KCNK3: variants seen among roughly 807,000 people sequenced by gnomAD.
The protein encoded by KCNK3 is potassium two pore domain channel subfamily K member 3, also known as potassium channel subfamily K member 3.
KCNK3 carries 9 observed loss-of-function variants against 27.3 expected under a neutral mutation model. The observed-to-expected ratio is 0.33, with a 90% CI of 0.20 to 0.57. KCNK3 has a LOEUF of 0.57. Ranked by LOEUF, KCNK3 falls within the 20% of genes least tolerant of loss-of-function variation. The probability of loss-of-function intolerance (pLI) is 0.87; values close to 1 mark genes in which losing one functional copy is unlikely to be tolerated. For synonymous variants in KCNK3, 278 were observed against 273.8 expected, an observed-to-expected ratio of 1.02 and a Z score of -0.15; for missense variants, 391 against 577.7, an observed-to-expected ratio of 0.68 and a Z score of 3.31.
intron 1 of KCNK3, among the ~76,000 whole-genome samples, chr2:26,709,973 C>G (rs778077057): frequency 2.0e-5 from 3 of 152,266 alleles, no homozygotes; most frequent in Non-Finnish European, 2.9e-5. Context: ...GTCCTTTGAT[C>G]ATTTCTGTCA....
chr2:26,697,131 C>T (rs933829164), intron 1 of KCNK3, among the ~76,000 whole-genome samples: 1 of 152,162 alleles, frequency 6.6e-6, no homozygotes, highest in Non-Finnish European at 1.5e-5. Flanking sequence ...GGAAGCATGG[C>T]ACTTGCCCAG....
chr2:26,728,919 A>T lies in KCNK3; in HGVS notation c.*351A>T. The T allele has an allele frequency of 4.1e-6, 1 of 246,450 alleles. No individual in the cohort carries two copies. Among genetic ancestry groups the T allele is most frequent in the Non-Finnish European group, 7.7e-6 (1 of 129,576 alleles). The allele number at this position is 246,450 out of a possible 1,614,324, so 15.3% of individuals were successfully genotyped here. ...ACCCAGACCCCCACCTTCGGAGGGG[A>T]CTTCATGTTCCGTGTACGTTTGCAT... On this transcript the variant is annotated 3_prime_UTR_variant, in exon 2 of 2. Coordinates refer to ENST00000302909, the MANE Select transcript of KCNK3 (RefSeq NM_002246.3).
In KCNK3 at chr2:26,693,130, C is replaced by T; in HGVS notation, c.255C>T (p.Tyr85=). The change falls in exon 1 of 2, where the codon TAC becomes TAT. Residue 85 remains tyrosine, a synonymous_variant. Coordinates refer to ENST00000302909, the MANE Select transcript of KCNK3 (RefSeq NM_002246.3). This position sits in a 1 kb window ranked among gnomAD's most constrained non-coding sequence, Gnocchi z 5.5. ...AGTGGCGCTTCGCCGGCTCCTTCTACTTCGCCATCACCGTCATCACCACCA... is the reference window on the plus strand; with the variant it reads ...AGTGGCGCTTCGCCGGCTCCTTCTATTTCGCCATCACCGTCATCACCACCA... ...GVQWRFAGSF[Y]FAITVITTIG... is the part of the protein sequence containing the mutation. 6.4e-7 allele frequency: 1 copy of T among 1,573,268 alleles called. No homozygotes were observed. The highest frequency in any genetic ancestry group is 8.6e-7 in the Non-Finnish European group (1 of 1,157,552).
intron 1 of KCNK3, among the ~76,000 whole-genome samples, chr2:26,724,712 GAGCCTCTGGTTA>G: frequency 6.6e-6 from 1 of 152,306 alleles, no homozygotes; most frequent in East Asian, 1.9e-4. Context: ...CCTGGGATAA[GAGCCTCTGGTTA>G]AGCCTGGATG....
At chr2:26,711,868 G>C (rs67575134) in intron 1 of KCNK3, among the ~76,000 whole-genome samples, 2 of 152,116 alleles carry the variant, frequency 1.3e-5, no homozygotes, top group African/African-American at 2.4e-5. Context: ...TATCGGGGCT[G>C]GGGGGAGGGA....
intron 1 of KCNK3, among the ~76,000 whole-genome samples, chr2:26,715,820 A>T (rs1402333057): frequency 1.3e-5 from 2 of 152,144 alleles, no homozygotes; most frequent in East Asian, 3.9e-4. Flanking sequence ...ACAGCATCTG[A>T]TCAGTGCCCA....
In KCNK3 at chr2:26,721,349, G is replaced by T. The variant is rs1362082176; in HGVS notation, c.284-6318G>T. 6.6e-6 allele frequency among the ~76,000 whole-genome samples: 1 copy of T among 152,060 alleles called. No individual in the cohort carries two copies. The highest frequency in any genetic ancestry group is 2.4e-5 in the African/African-American group (1 of 41,378). On this transcript the variant is annotated intron_variant, in intron 1 of 1. Transcript: ENST00000302909. The surrounding 1 kb of genome is among the most constrained non-coding windows in gnomAD (Gnocchi z 4.3). ...CTGAGCTGCATCTCACAGGAGGAGG[G>T]AGAGCACCTGCGCCCTCCTCCCGTC...
chr2:26,711,960 G>A (rs547113559), intron 1 of KCNK3, among the ~76,000 whole-genome samples: 61 of 152,278 alleles, frequency 4.0e-4, no homozygotes, highest in Non-Finnish European at 7.5e-4. Flanking sequence ...TGCCCAGCTT[G>A]GAGCTCTTGG....
intron 1 of KCNK3, among the ~76,000 whole-genome samples, chr2:26,723,335 C>T (rs1663357082): frequency 6.6e-6 from 1 of 152,246 alleles, no homozygotes; most frequent in Admixed American, 6.5e-5. Flanking sequence ...CTTGGTGATT[C>T]TGGGAGGAAA....
At chr2:26,709,872 T>C (rs1378694809) in intron 1 of KCNK3, among the ~76,000 whole-genome samples, 2 of 152,188 alleles carry the variant, frequency 1.3e-5, no homozygotes, top group Admixed American at 6.5e-5. Flanking sequence ...GCCCCCGCTC[T>C]TCCTCAGCAG....
At position 26,693,370 on chromosome 2, in the gene KCNK3, C is replaced by T. The variant is rs1350618817; in HGVS notation, c.283+212C>T. ...TCGATTCCTGGCTCCGGACCTGACT[C>T]TCCGGCCGGGCCAGCCCTAACTTGG... On this transcript the variant is annotated intron_variant, in intron 1 of 1. Coordinates refer to ENST00000302909, the MANE Select transcript of KCNK3 (RefSeq NM_002246.3). This position sits in a 1 kb window ranked among gnomAD's most constrained non-coding sequence, Gnocchi z 5.5. Among the ~76,000 whole-genome samples, 1 of 152,230 alleles carries T rather than the reference C, an allele frequency of 6.6e-6. No individual in the cohort carries two copies. Among genetic ancestry groups the T allele is most frequent in the African/African-American group, 2.4e-5 (1 of 41,474 alleles).
At chr2:26,704,942 C>T (rs1025141033) in intron 1 of KCNK3, among the ~76,000 whole-genome samples, 6 of 152,096 alleles carry the variant, frequency 3.9e-5, no homozygotes, top group African/African-American at 7.2e-5. Flanking sequence ...CTCATGGCTG[C>T]CCTAGGAGGG....
At position 26,707,482 on chromosome 2, in the gene KCNK3, T is replaced by C. The variant is rs75574610; in HGVS notation, c.283+14324T>C. On this transcript the variant is annotated intron_variant, in intron 1 of 1. Transcript: ENST00000302909. ...GGTACCGGGAGCTGTGTTCTGCTCA[T>C]GCACCAGCCTTCAACATTTCACCTT... 5.6e-3 allele frequency among the ~76,000 whole-genome samples: 856 copies of C among 152,354 alleles called. 6 individuals are homozygous for C. The highest frequency in any genetic ancestry group is 0.02 in the African/African-American group (816 of 41,576).
chr2:26,720,667 A>G (rs1663311697), intron 1 of KCNK3, among the ~76,000 whole-genome samples: 1 of 151,468 alleles, frequency 6.6e-6, no homozygotes, highest in Admixed American at 6.6e-5. Context: ...TGGGCCCAAG[A>G]GTGGGGAGTC....
chr2:26,697,498 G>C (rs1045520507), intron 1 of KCNK3, among the ~76,000 whole-genome samples: 1 of 152,174 alleles, frequency 6.6e-6, no homozygotes, highest in Non-Finnish European at 1.5e-5. Flanking sequence ...TAGAAGCCAA[G>C]GCTTGCCTTT....
chr2:26,726,341 T>G (rs1663420363), intron 1 of KCNK3, among the ~76,000 whole-genome samples: 1 of 151,264 alleles, frequency 6.6e-6, no homozygotes, highest in Non-Finnish European at 1.5e-5. Context: ...GGACAGGGGG[T>G]GGTGGTAATA....
At chr2:26,706,612 G>A (rs944409322) in intron 1 of KCNK3, among the ~76,000 whole-genome samples, 4 of 152,146 alleles carry the variant, frequency 2.6e-5, no homozygotes, top group African/African-American at 9.7e-5. Flanking sequence ...TCCAGGAGGG[G>A]CCGGAGAGAG....
At chr2:26,723,506 T>C (rs889682175) in intron 1 of KCNK3, among the ~76,000 whole-genome samples, 2 of 152,202 alleles carry the variant, frequency 1.3e-5, no homozygotes, top group African/African-American at 4.8e-5. Context: ...CTTAGCTGAG[T>C]TGCTCCCAAG....
intron 1 of KCNK3, among the ~76,000 whole-genome samples, chr2:26,711,892 G>A (rs1359252638): frequency 2.0e-5 from 3 of 152,150 alleles, no homozygotes; most frequent in African/African-American, 4.8e-5. Context: ...GGGTAGCACT[G>A]TAAGCTGCAG....
Sources: allele counts gnomAD v4.1 joint callset (sites outside exome capture counted in the v4.1 genomes callset), GRCh38; gene constraint gnomAD v4.1.1; non-coding constraint Gnocchi (gnomAD v3.1); transcripts MANE v1.5; gene names NCBI Gene and HGNC (gene_info 2026-07-23, HGNC 2026-07-21).